Variants in HSPG2 observed in about 807,000 individuals in gnomAD.
The protein encoded by HSPG2 is heparan sulfate proteoglycan 2.
Under a neutral mutation model 526.6 loss-of-function variants are expected in HSPG2, and 278 were observed. The observed-to-expected ratio is 0.53, with a 90% confidence interval of 0.48 to 0.58. HSPG2 has a LOEUF of 0.58. HSPG2 is among the 20% of genes least tolerant of loss of function. HSPG2 has a pLI of 0.00. For synonymous variants in HSPG2, 2,465 were observed against 2,555.4 expected, an observed-to-expected ratio of 0.96 and a Z score of 1.07; for missense variants, 5,354 against 6,099.5, an observed-to-expected ratio of 0.88 and a Z score of 4.07.
Position 21,885,159 on chromosome 1 carries a change from TG to T in HSPG2, c.1211-3del, listed in dbSNP as rs753673630. On this transcript the variant is annotated splice_region_variant and splice_polypyrimidine_tract_variant and intron_variant, in intron 10 of 96. Transcript: ENST00000374695. ...GAGGTGTCACCACCTGGGGGGGCAC[TG>T]AGGAGACCAGGGCAGGAGTGAGGGG... The T allele has an allele frequency of 3.5e-5, 56 of 1,606,896 alleles. No homozygotes were observed. Among genetic ancestry groups the T allele is most frequent in the South Asian group, 7.7e-5 (7 of 90,568 alleles).
Position 21,880,671 on chromosome 1 carries a change from C to G in HSPG2, c.1983G>C (p.Gln661His). 1 of 1,595,176 alleles carries G rather than the reference C, an allele frequency of 6.3e-7. No individual in the cohort carries two copies. The highest frequency in any genetic ancestry group is 2.3e-5 in the East Asian group (1 of 44,042). Residue 661 changes from glutamine to histidine, a missense_variant, in exon 15 of 97, where the codon CAG (glutamine) becomes CAC (histidine). Gln to His is a conservative substitution (Grantham distance 24, BLOSUM62 0). Coordinates refer to ENST00000374695, the MANE Select transcript of HSPG2 (RefSeq NM_005529.7). Reference sequence around the variant, plus strand: ...CGCCACCCACCTCAGAGAACTGGACCTGGCGCTGGTTCAGAGCACCAGGTT... The same window carrying G: ...CGCCACCCACCTCAGAGAACTGGACGTGGCGCTGGTTCAGAGCACCAGGTT... The part of the protein sequence containing the change: ...PTQPGALNQR[Q>H]VQFSEEHWVH...
chr1:21,885,481 G>T, intron 9 of HSPG2, 30 bp from the exon 10 acceptor site: 1 of 1,613,088 alleles, frequency 6.2e-7, no homozygotes, highest in Non-Finnish European at 8.5e-7. Context: ...GTTCCCAATA[G>T]CCCACCCCGT....
chr1:21,908,712 G>C, intron 1 of HSPG2: 1 of 506,466 alleles, frequency 2.0e-6, no homozygotes, highest in African/African-American at 2.0e-5. Flanking sequence ...CAACTTAAAC[G>C]ACCCCAAAGC....
Position 21,898,945 on chromosome 1 carries a change from G to A in HSPG2, c.64-2635C>T, listed in dbSNP as rs527649963. Reference sequence around the variant, plus strand: ...AGGGAGCTGGTCAGCGGGTGGCGGCGGGGGTGGCCTTGGGACCAGACAGGA... The same window carrying A: ...AGGGAGCTGGTCAGCGGGTGGCGGCAGGGGTGGCCTTGGGACCAGACAGGA... On this transcript the variant is annotated intron_variant, in intron 1 of 96. Coordinates refer to ENST00000374695, the MANE Select transcript of HSPG2 (RefSeq NM_005529.7). The surrounding 1 kb of genome is among the most constrained non-coding windows in gnomAD (Gnocchi z 4.0). 3.3e-5 allele frequency among the ~76,000 whole-genome samples: 5 copies of A among 152,358 alleles called. No individual in the cohort carries two copies. Among genetic ancestry groups the A allele is most frequent in the East Asian group, 1.9e-4 (1 of 5,184 alleles).
chr1:21,854,326 C>A lies in HSPG2; in HGVS notation c.6306G>T (p.Leu2102=). ...PPHTQVHGSR[L]RLPQVSPADS... is the part of the protein sequence containing the mutation. ...CAGCTGGTGAGACCTGGGGGAGCCG[C>A]AGACGGGAGCCGTGCACCTGGGCCA... Residue 2102 remains leucine, a synonymous_variant, in exon 50 of 97, where the codon CTG becomes CTT. Transcript: ENST00000374695. 1 of 1,571,266 alleles carries A rather than the reference C, an allele frequency of 6.4e-7. No homozygotes were observed. Among genetic ancestry groups the A allele is most frequent in the Non-Finnish European group, 8.6e-7 (1 of 1,157,952 alleles).
intron 33 of HSPG2, chr1:21,870,341 C>T: frequency 7.2e-6 from 7 of 973,000 alleles, no homozygotes; most frequent in Non-Finnish European, 8.6e-6. Context: ...AGCAGGCGAG[C>T]TAAGACCTCC....
chr1:21,874,751 T>C (rs1314146372), intron 26 of HSPG2, 22 bp from the exon 27 acceptor site: 1 of 1,575,928 alleles, frequency 6.3e-7, no homozygotes, highest in Non-Finnish European at 8.6e-7. Context: ...AAGATGGCAG[T>C]GGGAGGGACT....
Position 21,832,666 on chromosome 1 carries a change from C to G in HSPG2, c.11096-60G>C, listed in dbSNP as rs111818594. The G allele has an allele frequency of 8.2e-6, 11 of 1,343,368 alleles. No homozygotes were observed. In the Admixed American group the frequency reaches 1.7e-4, roughly 21 times the overall value. 83.2% of individuals were successfully genotyped at this position (1,343,368 alleles called of 1,614,324 possible). A position where few individuals can be genotyped will look rare whatever the true frequency, so the allele number is the denominator to read the frequency against. On this transcript the variant is annotated intron_variant, in intron 80 of 96. Coordinates refer to ENST00000374695, the MANE Select transcript of HSPG2 (RefSeq NM_005529.7). The stretch of plus-strand genomic sequence containing the variant: ...CAGCCACAGGCTCCCTGTCCTCCCC[C>G]ACCCTAGAAACCACCCAAGCTCTTG...
intron 84 of HSPG2, 48 bp from the exon 85 acceptor site, chr1:21,831,138 C>G (rs1234187441): frequency 6.2e-7 from 1 of 1,604,948 alleles, no homozygotes; most frequent in Admixed American, 1.7e-5. Flanking sequence ...CAGTACCCCC[C>G]ATAATCCCCA....
Position 21,823,149 on chromosome 1 carries a change from T to G in HSPG2, c.*167A>C. 3 of 620,686 alleles carry G rather than the reference T, an allele frequency of 4.8e-6. No individual in the cohort carries two copies. The highest frequency in any genetic ancestry group is 7.7e-6 in the Non-Finnish European group (3 of 390,060). 38.4% of individuals were successfully genotyped at this position (620,686 alleles called of 1,614,324 possible). The stretch of plus-strand genomic sequence containing the variant: ...CCAGCCTTGTGGCTTTGCCCAGCTG[T>G]GTGTGTGAGGGTGGCATGCCCACCT... On this transcript the variant is annotated 3_prime_UTR_variant, in exon 97 of 97. Transcript: ENST00000374695.
Position 21,828,369 on chromosome 1 carries a change from T to C in HSPG2, c.12295A>G (p.Ile4099Val), listed in dbSNP as rs778145626. 4 of 1,613,814 alleles carry C rather than the reference T, an allele frequency of 2.5e-6. No homozygotes were observed. In the Middle Eastern group the frequency reaches 4.9e-4, roughly 200 times the overall value. The change falls in exon 89 of 97, where the codon ATC becomes GTC. Residue 4099 changes from isoleucine (I) to valine (V), a missense_variant. Ile to Val is a conservative substitution (Grantham distance 29, BLOSUM62 3). Coordinates refer to ENST00000374695, the MANE Select transcript of HSPG2 (RefSeq NM_005529.7). The surrounding 1 kb of genome is among the most constrained non-coding windows in gnomAD (Gnocchi z 6.0). ...LTYSFLGSQGIGQCYDSSPCE... is the reference protein window; with the variant it reads ...LTYSFLGSQGVGQCYDSSPCE... ...GGGGAGCTATCATAGCATTGCCCGA[T>C]GCCCTGGCTGCCTAGGAAACTGTAG...
intron 6 of HSPG2, chr1:21,888,693 G>A (rs776676657): frequency 1.6e-5 from 22 of 1,365,398 alleles, no homozygotes; most frequent in African/African-American, 5.9e-5. Context: ...CCGCCACAGC[G>A]GCCGGCGGGG....
intron 9 of HSPG2, among the ~76,000 whole-genome samples, chr1:21,885,895 G>A (rs1306198289): frequency 6.6e-6 from 1 of 152,234 alleles, no homozygotes; most frequent in Non-Finnish European, 1.5e-5. Context: ...GACGGTCTGT[G>A]CTCCCACTGA....
At position 21,920,914 on chromosome 1, in the gene HSPG2, A is replaced by G. The variant is rs1261388181; in HGVS notation, c.63+16241T>C. Among the ~76,000 whole-genome samples the G allele has an allele frequency of 3.3e-5, 5 of 152,156 alleles. No homozygotes were observed. The East Asian group carries it at 9.7e-4, about 29-fold the overall frequency. On this transcript the variant is annotated intron_variant, in intron 1 of 96. Transcript: ENST00000374695. ...CAGCCCTTTCCTACATGCCCTCTTC[A>G]AACATGTGTCTGGGATCTGCCTATG...
chr1:21,875,068 C>G (rs565147587), intron 25 of HSPG2, 66 bp from the exon 26 acceptor site: 1 of 1,181,832 alleles, frequency 8.5e-7, no homozygotes, highest in Non-Finnish European at 1.2e-6. Context: ...CTGGAGTCCT[C>G]CACTGGCAGG....
chr1:21,900,722 T>G (rs1643050721), intron 1 of HSPG2, among the ~76,000 whole-genome samples: 1 of 152,050 alleles, frequency 6.6e-6, no homozygotes, highest in Non-Finnish European at 1.5e-5. Context: ...CCATCTCTAC[T>G]AAAAATACAA....
chr1:21,874,841 GA>G, intron 26 of HSPG2, 49 bp downstream of exon 26: 1 of 1,537,454 alleles, frequency 6.5e-7, no homozygotes, highest in Non-Finnish European at 8.9e-7. Flanking sequence ...GAAGGAGCGG[GA>G]AGCACCATGG....
intron 1 of HSPG2, among the ~76,000 whole-genome samples, chr1:21,935,370 C>T (rs1403999525): frequency 2.0e-5 from 3 of 152,176 alleles, no homozygotes; most frequent in Non-Finnish European, 4.4e-5. Flanking sequence ...AAATTACCGC[C>T]CACCAGCCTG....
rs770590518 is a variant in HSPG2, at chr1:21,879,059, G to A, written c.2406C>T (p.Asp802=). The change falls in exon 18 of 97, where the codon GAC becomes GAT. Residue 802 remains aspartate, a synonymous_variant. Transcript: ENST00000374695. ...AGGAAGTGGCCGTGGCCTTCATGGC[G>A]TCCCCAAAGAAGCCAGCCTTGCACT... ...CNKCKAGFFG[D]AMKATATSCR... 2.0e-5 allele frequency: 33 copies of A among 1,614,096 alleles called. 1 individual carries two copies. Among genetic ancestry groups the A allele is most frequent in the South Asian group, 1.4e-4 (13 of 91,090 alleles).
Sources: allele counts gnomAD v4.1 joint callset (sites outside exome capture counted in the v4.1 genomes callset), GRCh38; gene constraint gnomAD v4.1.1; non-coding constraint Gnocchi (gnomAD v3.1); transcripts MANE v1.5; gene names NCBI Gene and HGNC (gene_info 2026-07-23, HGNC 2026-07-21).